GRB10: variants seen among roughly 807,000 people sequenced by gnomAD.
GRB10 encodes the protein growth factor receptor-bound protein 10.
A neutral mutation model predicts 80.9 loss-of-function variants in GRB10; 20 were observed. The ratio of observed to expected loss-of-function variants is 0.25; its 90% CI spans 0.17 to 0.36. The LOEUF is 0.36. Ranked by LOEUF, GRB10 falls within the 10% of genes least tolerant of loss-of-function variation. The pLI, the probability that GRB10 is intolerant of heterozygous loss-of-function variation, is 1.00. For missense variants in GRB10, 548 were observed against 747.7 expected (o/e 0.73, Z 3.12); for synonymous variants, 291 against 291.5 (o/e 1.00, Z 0.02).
chr7:50,644,681 T>C (rs1321385767), intron 7 of GRB10, among the ~76,000 whole-genome samples: 2 of 152,298 alleles, frequency 1.3e-5, no homozygotes, highest in East Asian at 1.9e-4. Context: ...AGGCCTGCTG[T>C]GAAAGCGGTA....
At chr7:50,653,429 C>T (rs1563304499) in intron 7 of GRB10, among the ~76,000 whole-genome samples, 1 of 152,222 alleles carries the variant, frequency 6.6e-6, no homozygotes, top group Non-Finnish European at 1.5e-5. Context: ...CAGCCCCACC[C>T]GCTGCAACTG....
At chr7:50,744,288 A>T (rs138842820) in intron 3 of GRB10, among the ~76,000 whole-genome samples, 538 of 152,316 alleles carry the variant, frequency 3.5e-3, no homozygotes, top group Non-Finnish European at 6.0e-3. Flanking sequence ...GACGGCAGGG[A>T]GGGAGCAGTA....
chr7:50,764,953 A>C (rs1461692385), intron 2 of GRB10, among the ~76,000 whole-genome samples: 1 of 152,264 alleles, frequency 6.6e-6, no homozygotes, highest in Non-Finnish European at 1.5e-5. Context: ...AGAATGTATA[A>C]GGAGTTCAAA....
At chr7:50,600,150 C>A (rs2047353031) in intron 17 of GRB10, among the ~76,000 whole-genome samples, 1 of 152,122 alleles carries the variant, frequency 6.6e-6, no homozygotes, top group South Asian at 2.1e-4. Context: ...ACATTCTGGG[C>A]CCACTGTTGA....
intron 4 of GRB10, among the ~76,000 whole-genome samples, chr7:50,714,625 T>G (rs2066530776): frequency 6.6e-6 from 1 of 151,312 alleles, no homozygotes; most frequent in Non-Finnish European, 1.5e-5. Context: ...ATTGCACCAC[T>G]GCACTCCAGC....
intron 4 of GRB10, among the ~76,000 whole-genome samples, chr7:50,713,668 ACCACCT>A (rs1355237274): frequency 1.2e-4 from 7 of 60,452 alleles, no homozygotes; most frequent in African/African-American, 3.6e-4. Flanking sequence ...CTCCTCCACC[ACCACCT>A]CCACCTCCTC....
At chr7:50,769,378 AAG>A (rs2076733665) in intron 2 of GRB10, among the ~76,000 whole-genome samples, 1 of 152,272 alleles carries the variant, frequency 6.6e-6, no homozygotes, top group South Asian at 2.1e-4. Context: ...CCCAGGAGGA[AAG>A]AGAGTCCTGG....
chr7:50,596,721 A>C (rs2046720106), intron 17 of GRB10, among the ~76,000 whole-genome samples: 1 of 150,300 alleles, frequency 6.7e-6, no homozygotes, highest in Non-Finnish European at 1.5e-5. Flanking sequence ...GGTTCAGAAG[A>C]AAAAACAGTA....
At chr7:50,702,137 G>A (rs2064327104) in intron 5 of GRB10, among the ~76,000 whole-genome samples, 1 of 152,202 alleles carries the variant, frequency 6.6e-6, no homozygotes, top group Non-Finnish European at 1.5e-5. Flanking sequence ...ACTGCACTGG[G>A]AGGCTGCTTG....
intron 1 of GRB10, among the ~76,000 whole-genome samples, chr7:50,788,475 C>G (rs1267138321): frequency 6.6e-6 from 1 of 152,166 alleles, no homozygotes; most frequent in African/African-American, 2.4e-5. Flanking sequence ...AGCTCACAGA[C>G]AGGACCAGAC....
chr7:50,686,544 T>G (rs2062124013), intron 5 of GRB10, among the ~76,000 whole-genome samples: 1 of 152,156 alleles, frequency 6.6e-6, no homozygotes, highest in Non-Finnish European at 1.5e-5. Context: ...ATGAACAAAG[T>G]ATGGAACAAG....
intron 7 of GRB10, among the ~76,000 whole-genome samples, chr7:50,634,680 T>C (rs767563673): frequency 6.6e-6 from 1 of 152,070 alleles, no homozygotes; most frequent in Non-Finnish European, 1.5e-5. Context: ...AGACTCAAAG[T>C]AAATGGGTGG....
At chr7:50,614,910 C>G in intron 11 of GRB10, 30 bp from the exon 12 acceptor site, 1 of 1,427,906 alleles carries the variant, frequency 7.0e-7, no homozygotes, top group Non-Finnish European at 9.9e-7. Context: ...GTTAAAGTCT[C>G]AAGCACAGCA....
chr7:50,728,217 G>C (rs1295151111), intron 4 of GRB10, among the ~76,000 whole-genome samples: 1 of 20,982 alleles, frequency 4.8e-5, no homozygotes, highest in African/African-American at 6.6e-5. Context: ...CAAAGTATGG[G>C]GGGGGGGTGT....
At chr7:50,732,062 C>T (rs768150373) in intron 4 of GRB10, among the ~76,000 whole-genome samples, 3 of 152,218 alleles carry the variant, frequency 2.0e-5, no homozygotes, top group Non-Finnish European at 4.4e-5. Context: ...AATATGACCA[C>T]GCTATCTTAC....
At chr7:50,659,427 C>T (rs1456232602) in intron 7 of GRB10, among the ~76,000 whole-genome samples, 1 of 152,304 alleles carries the variant, frequency 6.6e-6, no homozygotes, top group Non-Finnish European at 1.5e-5. Context: ...AGCCAAGCCC[C>T]CCTTTGAAAA....
At position 50,699,769 on chromosome 7, in the gene GRB10, G is replaced by C. The variant is rs1007886401; in HGVS notation, c.139+4052C>G. Reference sequence around the variant, plus strand: ...AGATACACAAACATGGTATGAATTGGAGATCTCGTCCTCTGTGTAAGCTGT... The same window carrying C: ...AGATACACAAACATGGTATGAATTGCAGATCTCGTCCTCTGTGTAAGCTGT... On this transcript the variant is annotated intron_variant, in intron 5 of 18. Coordinates refer to ENST00000401949, the MANE Select transcript of GRB10 (RefSeq NM_001350814.2). 2.0e-5 allele frequency among the ~76,000 whole-genome samples: 3 copies of C among 151,438 alleles called. No homozygotes were observed. The East Asian group carries it at 5.8e-4, about 29-fold the overall frequency.
intron 4 of GRB10, chr7:50,705,069 C>A: frequency 2.3e-6 from 2 of 856,138 alleles, no homozygotes; most frequent in Non-Finnish European, 2.8e-6. Flanking sequence ...AGCAGTTTCT[C>A]TGCCCAGAGC....
chr7:50,604,261 T>C, intron 16 of GRB10, 50 bp downstream of exon 16: 1 of 1,468,094 alleles, frequency 6.8e-7, no homozygotes, highest in Non-Finnish European at 9.6e-7. Flanking sequence ...AGGGGGGTGC[T>C]GTTTGATTTT....
Sources: gnomAD v4.1 joint callset for allele counts (sites outside exome capture counted in the v4.1 genomes callset) on GRCh38, gnomAD v4.1.1 for gene constraint, MANE v1.5 for transcripts, NCBI Gene and HGNC (gene_info 2026-07-23, HGNC 2026-07-21) for gene names.